COL5A2: variants seen among roughly 807,000 people sequenced by gnomAD.
The protein encoded by COL5A2 is collagen type V alpha 2 chain, also known as collagen alpha-2(V) chain.
In COL5A2, 23 loss-of-function variants were observed where a neutral mutation model predicts 208.2. The ratio of observed to expected loss-of-function variants is 0.11; its 90% CI spans 0.08 to 0.16. The LOEUF is 0.16. COL5A2 is among the 10% of genes least tolerant of loss of function. The pLI, the probability that COL5A2 is intolerant of heterozygous loss-of-function variation, is 1.00. For missense variants in COL5A2, 1,590 were observed against 1,956.4 expected (o/e 0.81, Z 3.53); for synonymous variants, 625 against 628.5 (o/e 0.99, Z 0.08).
chr2:189,177,992 A>C (rs1688708066), intron 1 of COL5A2, among the ~76,000 whole-genome samples: 1 of 151,956 alleles, frequency 6.6e-6, no homozygotes, highest in Admixed American at 6.6e-5. Context: ...AGGGGAGTAA[A>C]CTGTTCTTTC....
upstream of COL5A2, among the ~76,000 whole-genome samples, chr2:189,225,688 T>C (rs1689406837): frequency 6.6e-6 from 1 of 152,064 alleles, no homozygotes; most frequent in Non-Finnish European, 1.5e-5. Context: ...TTAAACTGTT[T>C]AAAACCAAAG....
chr2:189,302,625 G>A, the COL5A2 span, among the ~76,000 whole-genome samples: 4 of 152,200 alleles, frequency 2.6e-5, no homozygotes, highest in Non-Finnish European at 5.9e-5. Flanking sequence ...GATCAATCAA[G>A]GTCCAAAAAT....
chr2:189,175,891 G>A (rs1398243210), intron 1 of COL5A2, among the ~76,000 whole-genome samples: 6 of 152,154 alleles, frequency 3.9e-5, no homozygotes, highest in Non-Finnish European at 7.4e-5. Context: ...ACTGTGTTCT[G>A]CTACATGTAC....
intron 16 of COL5A2, among the ~76,000 whole-genome samples, chr2:189,077,956 G>GA (rs1686446917): frequency 6.6e-6 from 1 of 152,168 alleles, no homozygotes; most frequent in Non-Finnish European, 1.5e-5. Flanking sequence ...ATTGCGAAAA[G>GA]AATAATTAGA....
chr2:189,404,986 T>C, the COL5A2 span, among the ~76,000 whole-genome samples: 1 of 152,220 alleles, frequency 6.6e-6, no homozygotes, highest in Non-Finnish European at 1.5e-5. Context: ...AATCATTTGA[T>C]ATCCATATGC....
At chr2:189,147,575 T>A (rs1364451396) in intron 1 of COL5A2, among the ~76,000 whole-genome samples, 2 of 152,146 alleles carry the variant, frequency 1.3e-5, no homozygotes, top group Non-Finnish European at 2.9e-5. Flanking sequence ...GAAGATTGAA[T>A]CACCATGGGA....
chr2:189,224,272 T>C (rs1014999445), intron 1 of COL5A2, among the ~76,000 whole-genome samples: 3 of 151,798 alleles, frequency 2.0e-5, no homozygotes, highest in Admixed American at 1.3e-4. Flanking sequence ...ATGTAAAAAA[T>C]AAAGTTAGTT....
rs755909523 is a variant in COL5A2, at chr2:189,066,475, G to A, written c.1478C>T (p.Pro493Leu). 25 of 1,613,934 alleles carry A rather than the reference G, an allele frequency of 1.5e-5. No homozygotes were observed. The highest frequency in any genetic ancestry group is 8.8e-5 in the South Asian group (8 of 91,080). Reference sequence around the variant, plus strand: ...GCCTTCTTCACCGGGTGGGCCTATCGGACCCTGAATACCATGTGGCCCCTG... The same window carrying A: ...GCCTTCTTCACCGGGTGGGCCTATCAGACCCTGAATACCATGTGGCCCCTG... ...GEPGPHGIQGPIGPPGEEGKR... is the reference protein window; with the variant it reads ...GEPGPHGIQGLIGPPGEEGKR... Residue 493 changes from proline to leucine, a missense_variant, in exon 23 of 54, where the codon CCG becomes CTG. Physicochemically the swap from Pro to Leu is moderately conservative, Grantham distance 98. Coordinates refer to ENST00000374866, the MANE Select transcript of COL5A2 (RefSeq NM_000393.5).
the COL5A2 span, among the ~76,000 whole-genome samples, chr2:189,271,414 T>G: frequency 2.0e-5 from 3 of 152,142 alleles, no homozygotes; most frequent in African/African-American, 7.2e-5. Context: ...GGGAAAGGAT[T>G]CCCTATTTAA....
the COL5A2 span, among the ~76,000 whole-genome samples, chr2:189,285,743 A>T: frequency 6.6e-6 from 1 of 152,186 alleles, no homozygotes. Flanking sequence ...TTTAAAGATA[A>T]TGTATCCCTG....
chr2:189,322,783 C>A, the COL5A2 span, among the ~76,000 whole-genome samples: 25 of 152,256 alleles, frequency 1.6e-4, no homozygotes, highest in African/African-American at 5.8e-4. Flanking sequence ...TCCGAAACTA[C>A]TCCAATCAAT....
At chr2:189,240,412 T>A in the COL5A2 span, among the ~76,000 whole-genome samples, 1 of 152,176 alleles carries the variant, frequency 6.6e-6, no homozygotes, top group Non-Finnish European at 1.5e-5. Flanking sequence ...CTCATCCTTG[T>A]GATCTAATCT....
intron 1 of COL5A2, among the ~76,000 whole-genome samples, chr2:189,123,514 A>G (rs1039972815): frequency 1.1e-4 from 17 of 152,192 alleles, no homozygotes; most frequent in Non-Finnish European, 2.5e-4. Context: ...GGAAGAGGGG[A>G]ATAGATACAG....
chr2:189,281,616 G>A, the COL5A2 span, among the ~76,000 whole-genome samples: 2 of 152,162 alleles, frequency 1.3e-5, no homozygotes, highest in East Asian at 3.8e-4. Context: ...TCTATGATCA[G>A]AATGATTGCC....
chr2:189,098,971 G>A (rs1431459816), intron 4 of COL5A2, among the ~76,000 whole-genome samples: 1 of 152,104 alleles, frequency 6.6e-6, no homozygotes, highest in East Asian at 1.9e-4. Flanking sequence ...TAATGATAAA[G>A]AGCACCAACA....
At chr2:189,276,423 T>C in the COL5A2 span, among the ~76,000 whole-genome samples, 1 of 152,168 alleles carries the variant, frequency 6.6e-6, no homozygotes, top group Non-Finnish European at 1.5e-5. Context: ...TCACTTACAG[T>C]AAATTGTGTC....
At chr2:189,226,664 T>C (rs1412342580), upstream of COL5A2, among the ~76,000 whole-genome samples, 1 of 152,050 alleles carries the variant, frequency 6.6e-6, no homozygotes, top group Non-Finnish European at 1.5e-5. Flanking sequence ...TGGGGGCCAC[T>C]GAGAACAGAA....
chr2:189,170,489 A>G (rs1688552657), intron 1 of COL5A2, among the ~76,000 whole-genome samples: 1 of 152,202 alleles, frequency 6.6e-6, no homozygotes, highest in Non-Finnish European at 1.5e-5. Flanking sequence ...TAGAGGATAT[A>G]AGATTTGAAG....
the COL5A2 span, among the ~76,000 whole-genome samples, chr2:189,354,555 T>C: frequency 6.6e-6 from 1 of 152,226 alleles, no homozygotes; most frequent in Non-Finnish European, 1.5e-5. Flanking sequence ...GATTTTCTAG[T>C]TTATTTGCAT....
Sources: allele counts gnomAD v4.1 joint callset (sites outside exome capture counted in the v4.1 genomes callset), GRCh38; gene constraint gnomAD v4.1.1; transcripts MANE v1.5; gene names NCBI Gene and HGNC (gene_info 2026-07-23, HGNC 2026-07-21).